CD302: variants seen among roughly 807,000 people sequenced by gnomAD.
CD302 encodes the protein CD302 molecule, also known as CD302 antigen.
A neutral mutation model predicts 26.5 loss-of-function variants in CD302; 23 were observed. That is an observed-to-expected ratio of 0.87 (90% confidence interval 0.62 to 1.23). The LOEUF (loss-of-function observed/expected upper bound fraction) is 1.23, where lower values mean the gene tolerates loss of function less well. CD302 is among the 50% of genes most tolerant of loss of function. The pLI, the probability that CD302 is intolerant of heterozygous loss-of-function variation, is 0.00. For synonymous variants in CD302, 90 were observed against 99.4 expected (o/e 0.91, Z 0.56); for missense variants, 290 against 275.5 (o/e 1.05, Z -0.37).
intron 1 of CD302, among the ~76,000 whole-genome samples, chr2:159,792,272 T>C (rs1708826352): frequency 6.6e-6 from 1 of 152,188 alleles, no homozygotes; most frequent in Non-Finnish European, 1.5e-5. Flanking sequence ...GGCAGGTAGC[T>C]TCCCCCAGAG....
intron 5 of CD302, 32 bp downstream of exon 5, chr2:159,777,906 G>A: frequency 1.0e-6 from 1 of 994,020 alleles, no homozygotes; most frequent in Non-Finnish European, 1.5e-6. Flanking sequence ...TTTTAATTGT[G>A]GGAAAAATTT....
chr2:159,778,403 G>A (rs1708403636), intron 4 of CD302, among the ~76,000 whole-genome samples: 1 of 152,214 alleles, frequency 6.6e-6, no homozygotes, highest in Admixed American at 6.5e-5. Context: ...ACCCTGAGGT[G>A]CAGAACCTGA....
At chr2:159,781,039 G>T in intron 2 of CD302, 41 bp from the exon 3 acceptor site, 2 of 1,521,716 alleles carry the variant, frequency 1.3e-6, no homozygotes, top group Non-Finnish European at 8.9e-7. Flanking sequence ...GCATATTCCA[G>T]AATCAGTGAA....
chr2:159,773,752 G>T (rs975916496), intron 5 of CD302, among the ~76,000 whole-genome samples: 5 of 152,146 alleles, frequency 3.3e-5, no homozygotes, highest in Admixed American at 1.3e-4. Flanking sequence ...ATATCTGGAG[G>T]TTAGGATAGT....
At chr2:159,782,814 T>C (rs1485058930) in intron 2 of CD302, among the ~76,000 whole-genome samples, 2 of 151,998 alleles carry the variant, frequency 1.3e-5, no homozygotes, top group African/African-American at 4.8e-5. Context: ...GTCTAGCAAA[T>C]AGCCTTTTTA....
chr2:159,795,366 A>G (rs551178948), intron 1 of CD302, among the ~76,000 whole-genome samples: 1 of 152,350 alleles, frequency 6.6e-6, no homozygotes, highest in East Asian at 1.9e-4. Flanking sequence ...CCTACTTTTT[A>G]AATAACTCAC....
chr2:159,780,547 T>C (rs1708476019), intron 3 of CD302, among the ~76,000 whole-genome samples: 1 of 152,230 alleles, frequency 6.6e-6, no homozygotes, highest in South Asian at 2.1e-4. Flanking sequence ...TAATGATAAA[T>C]ATGTTTATAT....
At chr2:159,772,405 T>G (rs188486727) in intron 5 of CD302, among the ~76,000 whole-genome samples, 1 of 152,340 alleles carries the variant, frequency 6.6e-6, no homozygotes, top group East Asian at 1.9e-4. Flanking sequence ...TTCTAGTATT[T>G]AGATAATGTG....
chr2:159,786,961 T>G (rs1360409501), intron 1 of CD302, among the ~76,000 whole-genome samples: 1 of 152,242 alleles, frequency 6.6e-6, no homozygotes, highest in Non-Finnish European at 1.5e-5. Flanking sequence ...TTTATAGTTA[T>G]GGAATCATAC....
intron 5 of CD302, 69 bp from the exon 6 acceptor site, chr2:159,772,122 G>T: frequency 6.6e-7 from 1 of 1,511,758 alleles, no homozygotes; most frequent in Non-Finnish European, 9.0e-7. Flanking sequence ...ATTTTGATGA[G>T]CACAACTGTA....
chr2:159,772,371 C>T (rs1574482811), intron 5 of CD302, among the ~76,000 whole-genome samples: 1 of 152,286 alleles, frequency 6.6e-6, no homozygotes, highest in South Asian at 2.1e-4. Context: ...ACTACAAATT[C>T]AGACCTACTG....
At chr2:159,795,141 T>C (rs1310541931) in intron 1 of CD302, among the ~76,000 whole-genome samples, 1 of 151,488 alleles carries the variant, frequency 6.6e-6, no homozygotes, top group African/African-American at 2.4e-5. Context: ...GAGAATTGCT[T>C]GAACCCAGAA....
intron 1 of CD302, among the ~76,000 whole-genome samples, chr2:159,794,319 C>G (rs1357763677): frequency 2.5e-5 from 2 of 81,344 alleles, no homozygotes; most frequent in Admixed American, 2.6e-4. Context: ...AAAAAAAACA[C>G]TAAATAACCC....
rs34620033 is a variant in CD302, at chr2:159,769,643, C to CATATATATATATATATAT, written c.*2207_*2208insATATATATATATATATAT. 1 of 150,894 alleles carries CATATATATATATATATAT rather than the reference C, an allele frequency of 6.6e-6. No homozygotes were observed. Among genetic ancestry groups the CATATATATATATATATAT allele is most frequent in the African/African-American group, 2.4e-5 (1 of 41,176 alleles). The allele number at this position is 150,894 out of a possible 1,614,324, so 9.3% of individuals were successfully genotyped here. ...CCTGGGCAGCACAGTGAGACTCCATCATATATATATATATAGCACTTCATT... is the reference window on the plus strand; with the variant it reads ...CCTGGGCAGCACAGTGAGACTCCATCATATATATATATATATATATATATATATATATAGCACTTCATT... On this transcript the variant is annotated 3_prime_UTR_variant, in exon 6 of 6. Coordinates refer to ENST00000259053, the MANE Select transcript of CD302 (RefSeq NM_014880.5).
At position 159,770,266 on chromosome 2, in the gene CD302, A is replaced by C. The variant is rs574066480; in HGVS notation, c.*1585T>G. The C allele has an allele frequency of 6.6e-6, 1 of 152,348 alleles. No individual in the cohort carries two copies. Among genetic ancestry groups the C allele is most frequent in the East Asian group, 1.9e-4 (1 of 5,188 alleles). 9.4% of individuals were successfully genotyped at this position (152,348 alleles called of 1,614,324 possible). A position where few individuals can be genotyped will look rare whatever the true frequency, so the allele number is the denominator to read the frequency against. ...AAAATAGACATCTCAATCACTATAC[A>C]AAATCTCAGAAATGTAAAGCTCTTA... is the stretch of plus-strand genomic sequence containing the variant. On this transcript the variant is annotated 3_prime_UTR_variant, in exon 6 of 6. Transcript: ENST00000259053.
chr2:159,771,994 C>A lies in CD302; in HGVS notation c.556G>T (p.Gly186Ter). Residue 186 changes from glycine (G) to a stop codon, truncating the protein, a stop_gained, in exon 6 of 6, where the codon GGA becomes TGA. Coordinates refer to ENST00000259053, the MANE Select transcript of CD302 (RefSeq NM_014880.5). LOFTEE classifies it high-confidence loss of function. Reference sequence around the variant, plus strand: ...TTGTACAGGAACCAAATGATTGCTCCCAAAACTGTCAAAATTACCGTGCTA... The same window carrying A: ...TTGTACAGGAACCAAATGATTGCTCACAAAACTGTCAAAATTACCGTGCTA... ...IASTVILTVL[G>*]AIIWFLYKKH... is the part of the protein sequence containing the mutation. The A allele has an allele frequency of 6.2e-7, 1 of 1,613,794 alleles. No homozygotes were observed. Among genetic ancestry groups the A allele is most frequent in the Non-Finnish European group, 8.5e-7 (1 of 1,179,902 alleles).
chr2:159,775,401 ATTT>A (rs1708281923), intron 5 of CD302, among the ~76,000 whole-genome samples: 1 of 152,136 alleles, frequency 6.6e-6, no homozygotes, highest in Admixed American at 6.5e-5. Flanking sequence ...CCACAGACCT[ATTT>A]TTTTCTAAAT....
Position 159,779,991 on chromosome 2 carries a change from T to C in CD302, c.469+14A>G, listed in dbSNP as rs1476340492. 1 of 1,605,250 alleles carries C rather than the reference T, an allele frequency of 6.2e-7. No individual in the cohort carries two copies. The highest frequency in any genetic ancestry group is 1.7e-5 in the Admixed American group (1 of 58,200). On this transcript the variant is annotated intron_variant, in intron 4 of 5. Coordinates refer to ENST00000259053, the MANE Select transcript of CD302 (RefSeq NM_014880.5). ...CCCCTTCTAGAATGGAAAAACACCT[T>C]CGGTCATACTTACTAGCTGTTTTGC...
At chr2:159,778,711 C>CT (rs1164213844) in intron 4 of CD302, among the ~76,000 whole-genome samples, 1 of 152,082 alleles carries the variant, frequency 6.6e-6, no homozygotes, top group Non-Finnish European at 1.5e-5. Flanking sequence ...AAACTAAAAA[C>CT]TTTTTTTGTA....
Sources: gnomAD v4.1 joint callset for allele counts (sites outside exome capture counted in the v4.1 genomes callset) on GRCh38, gnomAD v4.1.1 for gene constraint, MANE v1.5 for transcripts, NCBI Gene and HGNC (gene_info 2026-07-23, HGNC 2026-07-21) for gene names.